Variants in CAMTA1 observed in about 807,000 individuals in gnomAD.
CAMTA1 encodes calmodulin-binding transcription activator 1.
In CAMTA1, 27 loss-of-function variants were observed where a neutral mutation model predicts 170.9. The observed-to-expected ratio is 0.16, with a 90% CI of 0.12 to 0.22. CAMTA1 has a LOEUF of 0.22. CAMTA1 is among the 10% of genes least tolerant of loss of function. The probability of loss-of-function intolerance (pLI) is 1.00; values close to 1 mark genes in which losing one functional copy is unlikely to be tolerated. For missense variants in CAMTA1, 1,619 were observed against 2,217.2 expected (o/e 0.73, Z 5.42); for synonymous variants, 833 against 891.5 (o/e 0.93, Z 1.17).
At chr1:7,720,837 A>G (rs1462258908) in intron 11 of CAMTA1, among the ~76,000 whole-genome samples, 1 of 152,216 alleles carries the variant, frequency 6.6e-6, no homozygotes, top group South Asian at 2.1e-4. Context: ...AGCTTAAAGC[A>G]GATGGCAGCC....
chr1:6,799,140 T>C (rs1361036014), intron 1 of CAMTA1, among the ~76,000 whole-genome samples: 1 of 152,158 alleles, frequency 6.6e-6, no homozygotes, highest in East Asian at 1.9e-4. Context: ...CCATCACAGC[T>C]CACTGCAACC....
chr1:6,893,766 G>A (rs1044688307), intron 3 of CAMTA1, among the ~76,000 whole-genome samples: 9 of 152,154 alleles, frequency 5.9e-5, no homozygotes, highest in Non-Finnish European at 8.8e-5. Context: ...TATTCCGTTT[G>A]TCAGGCTGCG....
intron 4 of CAMTA1, among the ~76,000 whole-genome samples, chr1:7,199,298 C>T (rs768742532): frequency 6.6e-6 from 1 of 152,226 alleles, no homozygotes; most frequent in African/African-American, 2.4e-5. Flanking sequence ...CTCAGCGGGG[C>T]ATCAGTTCCA....
intron 5 of CAMTA1, among the ~76,000 whole-genome samples, chr1:7,431,700 C>A (rs1048602205): frequency 1.3e-5 from 2 of 152,198 alleles, no homozygotes; most frequent in African/African-American, 4.8e-5. Context: ...GATCAGGTCC[C>A]CTTAGGTGAA....
chr1:6,908,809 A>G (rs1384507682), intron 3 of CAMTA1, among the ~76,000 whole-genome samples: 1 of 152,234 alleles, frequency 6.6e-6, no homozygotes, highest in Non-Finnish European at 1.5e-5. Flanking sequence ...TCAGTGGGAC[A>G]GCCTGTGCCA....
At chr1:6,787,426 C>T (rs1639727327) in intron 1 of CAMTA1, among the ~76,000 whole-genome samples, 1 of 152,194 alleles carries the variant, frequency 6.6e-6, no homozygotes, top group Non-Finnish European at 1.5e-5. Context: ...TGTTCCGGTT[C>T]TGCTTTGGAG....
Position 7,580,384 on chromosome 1 carries a change from T to A in CAMTA1, c.511-60016T>A, listed in dbSNP as rs1018143654. ...GAGGGGAACCCAGGGAGGAAGGGGC[T>A]CAGATGAAGCAGGTCTGGGGGAGAG... is the stretch of plus-strand genomic sequence containing the variant. On this transcript the variant is annotated intron_variant, in intron 6 of 22. Coordinates refer to ENST00000303635, the MANE Select transcript of CAMTA1 (RefSeq NM_015215.4). The surrounding 1 kb of genome is among the most constrained non-coding windows in gnomAD (Gnocchi z 4.3). Among the ~76,000 whole-genome samples, 1 of 151,354 alleles carries A rather than the reference T, an allele frequency of 6.6e-6. No homozygotes were observed. Among genetic ancestry groups the A allele is most frequent in the Non-Finnish European group, 1.5e-5 (1 of 67,802 alleles).
intron 3 of CAMTA1, among the ~76,000 whole-genome samples, chr1:7,001,016 C>T (rs922163005): frequency 5.3e-5 from 8 of 152,196 alleles, no homozygotes; most frequent in Non-Finnish European, 1.2e-4. Context: ...TCAGTTGTCA[C>T]TTACATATTT....
At chr1:7,444,435 C>T (rs2092628829) in intron 5 of CAMTA1, among the ~76,000 whole-genome samples, 1 of 152,234 alleles carries the variant, frequency 6.6e-6, no homozygotes, top group African/African-American at 2.4e-5. Context: ...GAGGAGGCAG[C>T]TTGGGCTGCA....
chr1:7,103,737 T>C (rs1206775955), intron 4 of CAMTA1, among the ~76,000 whole-genome samples: 1 of 147,502 alleles, frequency 6.8e-6, no homozygotes, highest in South Asian at 2.2e-4. Context: ...ACACCACACA[T>C]GTACACACAA....
intron 4 of CAMTA1, among the ~76,000 whole-genome samples, chr1:7,149,899 C>T (rs900539561): frequency 3.3e-5 from 5 of 152,204 alleles, no homozygotes; most frequent in African/African-American, 9.6e-5. Context: ...TAACGATTCA[C>T]GAATCCTGGC....
At chr1:7,074,237 C>A (rs1331307594) in intron 3 of CAMTA1, among the ~76,000 whole-genome samples, 1 of 152,202 alleles carries the variant, frequency 6.6e-6, no homozygotes, top group African/African-American at 2.4e-5. Context: ...TAAGTGGTGG[C>A]TTATCTGTAT....
chr1:7,759,038 C>T (rs2096955110), intron 22 of CAMTA1, among the ~76,000 whole-genome samples: 1 of 151,650 alleles, frequency 6.6e-6, no homozygotes, highest in African/African-American at 2.4e-5. Flanking sequence ...ATTTTCCCAG[C>T]TACTGGAGGC....
At chr1:6,847,920 T>A (rs912445797) in intron 3 of CAMTA1, among the ~76,000 whole-genome samples, 1 of 149,000 alleles carries the variant, frequency 6.7e-6, no homozygotes, top group Non-Finnish European at 1.5e-5. Flanking sequence ...AGCATGTTGG[T>A]CAGGCTGGTC....
At chr1:7,290,065 T>G (rs1385183776) in intron 5 of CAMTA1, among the ~76,000 whole-genome samples, 1 of 152,198 alleles carries the variant, frequency 6.6e-6, no homozygotes, top group African/African-American at 2.4e-5. Flanking sequence ...TTGTAAGCAA[T>G]AGGTTATGGA....
At chr1:7,406,409 C>G (rs887900227) in intron 5 of CAMTA1, among the ~76,000 whole-genome samples, 2 of 152,170 alleles carry the variant, frequency 1.3e-5, no homozygotes, top group Admixed American at 1.3e-4. Context: ...GCAGGGCAGT[C>G]CTCCACGTCT....
At chr1:6,981,680 C>T (rs1013957068) in intron 3 of CAMTA1, among the ~76,000 whole-genome samples, 3 of 152,190 alleles carry the variant, frequency 2.0e-5, no homozygotes, top group African/African-American at 7.2e-5. Flanking sequence ...AAGTGATCCT[C>T]CTACCTCAGC....
At chr1:7,200,598 C>T (rs1186736206) in intron 4 of CAMTA1, among the ~76,000 whole-genome samples, 1 of 152,162 alleles carries the variant, frequency 6.6e-6, no homozygotes, top group Non-Finnish European at 1.5e-5. Flanking sequence ...TGCTATTTTG[C>T]AGCATGTCCC....
At chr1:7,448,791 C>T (rs2092741930) in intron 5 of CAMTA1, among the ~76,000 whole-genome samples, 1 of 152,174 alleles carries the variant, frequency 6.6e-6, no homozygotes, top group African/African-American at 2.4e-5. Flanking sequence ...TCATCACTTC[C>T]CAAAGGCCCC....
Sources: allele counts gnomAD v4.1 joint callset (sites outside exome capture counted in the v4.1 genomes callset), GRCh38; gene constraint gnomAD v4.1.1; non-coding constraint Gnocchi (gnomAD v3.1); transcripts MANE v1.5; gene names NCBI Gene and HGNC (gene_info 2026-07-23, HGNC 2026-07-21).